ESRRG: variants seen among roughly 807,000 people sequenced by gnomAD.
ESRRG encodes the protein estrogen related receptor gamma, also known as estrogen-related receptor gamma.
In ESRRG, 13 loss-of-function variants were observed where a neutral mutation model predicts 44.0. The ratio of observed to expected loss-of-function variants is 0.30; its 90% confidence interval spans 0.19 to 0.47. The LOEUF (loss-of-function observed/expected upper bound fraction) is 0.47. ESRRG is among the 20% of genes least tolerant of loss of function. The pLI is 1.00. For synonymous variants in ESRRG, 215 were observed against 214.6 expected, an observed-to-expected ratio of 1.00 and a Z score of -0.02; for missense variants, 395 against 580.6, an observed-to-expected ratio of 0.68 and a Z score of 3.29.
intron 5 of ESRRG, among the ~76,000 whole-genome samples, chr1:216,541,873 T>C (rs2052906076): frequency 6.6e-6 from 1 of 151,896 alleles, no homozygotes; most frequent in Non-Finnish European, 1.5e-5. Context: ...CAAACCTTCT[T>C]GTGCATCCCT....
chr1:216,866,039 A>T (rs1250415611), intron 2 of ESRRG, among the ~76,000 whole-genome samples: 1 of 152,222 alleles, frequency 6.6e-6, no homozygotes, highest in Non-Finnish European at 1.5e-5. Context: ...GCTTGAAATA[A>T]GCTGCCCAGA....
chr1:216,862,480 G>A (rs1165323247), intron 2 of ESRRG: 2 of 151,888 alleles, frequency 1.3e-5, no homozygotes, highest in Admixed American at 6.6e-5. Context: ...AAAAGCCCAG[G>A]CTAAAATAAC....
At chr1:216,965,625 C>T (rs543333928) in intron 1 of ESRRG, among the ~76,000 whole-genome samples, 2 of 152,250 alleles carry the variant, frequency 1.3e-5, no homozygotes, top group Admixed American at 1.3e-4. Flanking sequence ...TCCATCCTCC[C>T]AGTGGCTGAC....
At chr1:216,720,274 A>T (rs1459077564) in intron 1 of ESRRG, among the ~76,000 whole-genome samples, 1 of 152,102 alleles carries the variant, frequency 6.6e-6, no homozygotes, top group African/African-American at 2.4e-5. Context: ...GCTCACAACT[A>T]ATTGCAGCTG....
At chr1:216,739,118 T>C (rs1283732006) in intron 2 of ESRRG, among the ~76,000 whole-genome samples, 1 of 152,154 alleles carries the variant, frequency 6.6e-6, no homozygotes, top group Non-Finnish European at 1.5e-5. Flanking sequence ...ACTAACCAAA[T>C]GCTATTAATG....
At chr1:217,094,291 T>A (rs927158157), upstream of ESRRG, among the ~76,000 whole-genome samples, 4 of 152,240 alleles carry the variant, frequency 2.6e-5, no homozygotes, top group Non-Finnish European at 4.4e-5. Context: ...TCTAACACTA[T>A]CAAATCGTAT....
chr1:216,745,826 A>C (rs1185900785), intron 2 of ESRRG, among the ~76,000 whole-genome samples: 1 of 152,236 alleles, frequency 6.6e-6, no homozygotes, highest in Non-Finnish European at 1.5e-5. Flanking sequence ...ATGTATATTT[A>C]TATTTCAGTC....
intron 2 of ESRRG, among the ~76,000 whole-genome samples, chr1:216,776,713 G>T (rs2093629179): frequency 6.6e-6 from 1 of 152,088 alleles, no homozygotes; most frequent in African/African-American, 2.4e-5. Context: ...GGAGGTAAAA[G>T]AATATTCCAT....
At chr1:216,603,203 T>G (rs894496298) in intron 3 of ESRRG, among the ~76,000 whole-genome samples, 4 of 152,228 alleles carry the variant, frequency 2.6e-5, no homozygotes, top group Non-Finnish European at 4.4e-5. Flanking sequence ...CTTAAAAATA[T>G]TTCATTTTCA....
At chr1:216,888,742 G>A (rs1001485573) in intron 2 of ESRRG, among the ~76,000 whole-genome samples, 9 of 152,076 alleles carry the variant, frequency 5.9e-5, no homozygotes, top group Admixed American at 2.6e-4. Context: ...GTGTGTGAAT[G>A]GAAATCCAGA....
intron 3 of ESRRG, among the ~76,000 whole-genome samples, chr1:216,645,684 T>G (rs1187274284): frequency 1.3e-5 from 2 of 151,824 alleles, no homozygotes; most frequent in Admixed American, 1.3e-4. Flanking sequence ...ACAGCCTGAG[T>G]AACATAGTGA....
chr1:216,892,747 T>A (rs1189259314), intron 2 of ESRRG, among the ~76,000 whole-genome samples: 1 of 152,188 alleles, frequency 6.6e-6, no homozygotes, highest in Non-Finnish European at 1.5e-5. Flanking sequence ...TGTCCTCACA[T>A]ACTTTAACAG....
At chr1:217,069,764 C>A (rs1042976216) in intron 1 of ESRRG, among the ~76,000 whole-genome samples, 1 of 152,152 alleles carries the variant, frequency 6.6e-6, no homozygotes, top group East Asian at 1.9e-4. Flanking sequence ...GCAGGCAACT[C>A]TCTAGGGAAG....
chr1:216,906,632 C>T (rs1225950439), intron 2 of ESRRG, among the ~76,000 whole-genome samples: 1 of 152,158 alleles, frequency 6.6e-6, no homozygotes, highest in Non-Finnish European at 1.5e-5. Flanking sequence ...ATACACTTAT[C>T]ATAATGAAAA....
intron 1 of ESRRG, among the ~76,000 whole-genome samples, chr1:217,026,233 T>G (rs182257218): frequency 1.3e-5 from 2 of 152,230 alleles, no homozygotes; most frequent in East Asian, 3.8e-4. Context: ...ACCTGCTGAC[T>G]AGATGCCCTT....
At chr1:216,587,985 A>T (rs2056961150) in intron 3 of ESRRG, among the ~76,000 whole-genome samples, 1 of 152,208 alleles carries the variant, frequency 6.6e-6, no homozygotes, top group Non-Finnish European at 1.5e-5. Flanking sequence ...ACAGAGTAAG[A>T]TCCTATTTTA....
chr1:216,762,980 A>T (rs2092878454), intron 2 of ESRRG, among the ~76,000 whole-genome samples: 1 of 152,138 alleles, frequency 6.6e-6, no homozygotes, highest in Non-Finnish European at 1.5e-5. Context: ...GATTAAACTC[A>T]TAAGTTACCT....
intron 1 of ESRRG, chr1:217,078,070 G>A (rs1419102018): frequency 6.6e-6 from 1 of 152,174 alleles, no homozygotes; most frequent in Non-Finnish European, 1.5e-5. Context: ...CTGCTAATCG[G>A]ATATTGTATA....
At chr1:217,025,183 G>A (rs772799025) in intron 1 of ESRRG, among the ~76,000 whole-genome samples, 4 of 152,124 alleles carry the variant, frequency 2.6e-5, no homozygotes, top group Admixed American at 6.5e-5. Context: ...GAAATCTAGG[G>A]AATCAGGAAA....
Sources: allele counts gnomAD v4.1 joint callset (sites outside exome capture counted in the v4.1 genomes callset), GRCh38; gene constraint gnomAD v4.1.1; transcripts MANE v1.5; gene names NCBI Gene and HGNC (gene_info 2026-07-23, HGNC 2026-07-21).